CNN1: variants seen among roughly 807,000 people sequenced by gnomAD.
CNN1 encodes the protein calponin-1.
CNN1 carries 21 observed loss-of-function variants against 35.3 expected under a neutral mutation model. That is an observed-to-expected ratio of 0.60 (90% CI 0.42 to 0.86). The LOEUF (loss-of-function observed/expected upper bound fraction) is 0.86, where lower values mean the gene tolerates loss of function less well. Among genes scored for constraint, CNN1 ranks in the 40% least tolerant of loss-of-function variants. The probability of loss-of-function intolerance (pLI) is 0.00; values close to 1 mark genes in which losing one functional copy is unlikely to be tolerated. For synonymous variants in CNN1, 164 were observed against 161.8 expected, an observed-to-expected ratio of 1.01 and a Z score of -0.10; for missense variants, 314 against 400.8, an observed-to-expected ratio of 0.78 and a Z score of 1.85.
At chr19:11,545,848 C>T (rs1217690279) in intron 2 of CNN1, among the ~76,000 whole-genome samples, 1 of 149,308 alleles carries the variant, frequency 6.7e-6, no homozygotes, top group Admixed American at 6.7e-5. Context: ...CACCTGTGAT[C>T]CCAGCTACTC....
chr19:11,539,764 TG>T, intron 1 of CNN1: 1 of 879,794 alleles, frequency 1.1e-6, no homozygotes, highest in Non-Finnish European at 1.4e-6. Flanking sequence ...GGTGAGGAAG[TG>T]GGGGACTGGG....
At chr19:11,539,620 GCTTCTCCC>G (rs1972412945) in intron 1 of CNN1, 12 of 737,890 alleles carry the variant, frequency 1.6e-5, no homozygotes, top group Non-Finnish European at 2.4e-5. Flanking sequence ...GATGGGCTCA[GCTTCTCCC>G]AGCTGGAGAA....
chr19:11,541,140 G>C lies in CNN1; in HGVS notation c.128G>C (p.Gly43Ala). 1.2e-6 allele frequency: 2 copies of C among 1,608,156 alleles called. No homozygotes were observed. Among genetic ancestry groups the C allele is most frequent in the Non-Finnish European group, 1.7e-6 (2 of 1,177,162 alleles). The stretch of plus-strand genomic sequence containing the variant: ...AGAGAGTGGATCGAGGGGGTGACAG[G>C]CCGTCGCATCGGCAACAACTTCATG... ...ELREWIEGVTGRRIGNNFMDG... is the reference protein window; with the variant it reads ...ELREWIEGVTARRIGNNFMDG... The change falls in exon 2 of 7, where the codon GGC becomes GCC. Residue 43 changes from glycine to alanine, a missense_variant. By Grantham distance (60) the Gly-to-Ala change is moderately conservative. Coordinates refer to ENST00000252456, the MANE Select transcript of CNN1 (RefSeq NM_001299.6).
intron 2 of CNN1, among the ~76,000 whole-genome samples, chr19:11,544,301 G>A (rs1345169710): frequency 6.6e-6 from 1 of 151,978 alleles, no homozygotes; most frequent in Non-Finnish European, 1.5e-5. Flanking sequence ...GAGGGCTCAG[G>A]GGACCTGAGG....
chr19:11,541,481 A>G (rs2145028793), intron 2 of CNN1, among the ~76,000 whole-genome samples: 1 of 152,350 alleles, frequency 6.6e-6, no homozygotes, highest in East Asian at 1.9e-4. Flanking sequence ...GTCCCCAGAA[A>G]GAGCGGTCAC....
rs1358909305 is a variant in CNN1 at position 11,546,944 on chromosome 19, C to G, written c.365C>G (p.Ser122Cys). The G allele has an allele frequency of 6.2e-7, 1 of 1,614,116 alleles. No individual in the cohort carries two copies. ...AACACCAACCATACACAGGTGCAGT[C>G]CACCCTCCTGGCTTTGGCCAGCATG... ...FENTNHTQVQ[S>C]TLLALASMAK... The change falls in exon 4 of 7, where the codon TCC becomes TGC. Residue 122 changes from serine to cysteine, a missense_variant. Transcript: ENST00000252456.
chr19:11,540,487 G>A lies in CNN1; in HGVS notation c.64-589G>A, dbSNP rs376861930. On this transcript the variant is annotated intron_variant, in intron 1 of 6. Coordinates refer to ENST00000252456, the MANE Select transcript of CNN1 (RefSeq NM_001299.6). ...TGGGGAAGAGAGAGACAGAGGAGTC[G>A]GGGGGATAAGAGGGAGAGAGACATA... 189 of 152,836 alleles carry A rather than the reference G, an allele frequency of 1.2e-3. 5 individuals are homozygous for A. In the South Asian group the frequency reaches 0.035, roughly 29 times the overall value. 9.5% of individuals were successfully genotyped at this position (152,836 alleles called of 1,614,324 possible). A position where few individuals can be genotyped will look rare whatever the true frequency, so the allele number is the denominator to read the frequency against.
chr19:11,549,648 C>G lies in CNN1; in HGVS notation c.747C>G (p.Ser249Arg), dbSNP rs1228139286. The G allele has an allele frequency of 6.2e-7, 1 of 1,613,840 alleles. No individual in the cohort carries two copies. ...DTLNVSLQMGSNKGASQRGMT... is the reference protein window; with the variant it reads ...DTLNVSLQMGRNKGASQRGMT... ...TCAATGTCAGCCTGCAGATGGGCAG[C>G]AACAAGGGCGCCTCGCAGCGGGGCA... The change falls in exon 7 of 7, where the codon AGC becomes AGG. Residue 249 changes from serine (S) to arginine (R), a missense_variant. Ser to Arg is a moderately radical substitution (Grantham distance 110, BLOSUM62 -1). Coordinates refer to ENST00000252456, the MANE Select transcript of CNN1 (RefSeq NM_001299.6). The surrounding 1 kb of genome is among the most constrained non-coding windows in gnomAD (Gnocchi z 5.2).
At chr19:11,539,900 A>G (rs1972420692) in intron 1 of CNN1, 1 of 1,138,996 alleles carries the variant, frequency 8.8e-7, no homozygotes, top group African/African-American at 1.7e-5. Flanking sequence ...AGCCGCGCAG[A>G]GCCGCGCAGA....
chr19:11,539,821 TG>T (rs950625456), intron 1 of CNN1: 5 of 762,336 alleles, frequency 6.6e-6, no homozygotes, highest in Admixed American at 4.6e-4. Flanking sequence ...AGGGGGCTGG[TG>T]GGGGGCGGGT....
chr19:11,544,199 C>T (rs1397314853), intron 2 of CNN1, among the ~76,000 whole-genome samples: 4 of 152,006 alleles, frequency 2.6e-5, no homozygotes, highest in Non-Finnish European at 5.9e-5. Context: ...AGGTATATGT[C>T]TGCGGGTGGA....
chr19:11,538,910 C>G lies in CNN1; in HGVS notation c.-18C>G. The G allele has an allele frequency of 6.5e-7, 1 of 1,547,986 alleles. No homozygotes were observed. Among genetic ancestry groups the G allele is most frequent in the East Asian group, 2.4e-5 (1 of 41,100 alleles). On this transcript the variant is annotated 5_prime_UTR_variant, in exon 1 of 7. Transcript: ENST00000252456. The stretch of plus-strand genomic sequence containing the variant: ...GCGTCAGTGCCGCCACTGCCCCCGC[C>G]AGAGCCCACCGGCCAGCATGTCCTC...
intron 4 of CNN1, among the ~76,000 whole-genome samples, chr19:11,547,250 A>C (rs907107338): frequency 1.3e-5 from 2 of 152,066 alleles, no homozygotes; most frequent in African/African-American, 4.8e-5. Flanking sequence ...TACAAAAATT[A>C]GCTGGACGTG....
At chr19:11,546,784 C>T (rs1251021070) in intron 3 of CNN1, 43 bp downstream of exon 3, 4 of 1,613,628 alleles carry the variant, frequency 2.5e-6, no homozygotes, top group African/African-American at 1.3e-5. Context: ...CCGCAAGCCC[C>T]TCAGACCTCC....
intron 2 of CNN1, among the ~76,000 whole-genome samples, chr19:11,543,528 C>A (rs1410324186): frequency 1.3e-5 from 2 of 151,394 alleles, no homozygotes; most frequent in African/African-American, 4.8e-5. Flanking sequence ...CGTCTGTAAT[C>A]CCAGCACTTT....
chr19:11,541,118 G>C lies in CNN1; in HGVS notation c.106G>C (p.Glu36Gln). 1 of 1,611,400 alleles carries C rather than the reference G, an allele frequency of 6.2e-7. No homozygotes were observed. Among genetic ancestry groups the C allele is most frequent in the Non-Finnish European group, 8.5e-7 (1 of 1,178,638 alleles). ...YDHQREQELR[E>Q]WIEGVTGRRI... is the part of the protein sequence containing the mutation. ...CCACCAGCGGGAGCAGGAGCTGAGA[G>C]AGTGGATCGAGGGGGTGACAGGCCG... The change falls in exon 2 of 7, where the codon GAG (glutamate) becomes CAG (glutamine). Residue 36 changes from glutamate to glutamine, a missense_variant. By Grantham distance (29) the Glu-to-Gln change is conservative (BLOSUM62 2). Coordinates refer to ENST00000252456, the MANE Select transcript of CNN1 (RefSeq NM_001299.6).
intron 1 of CNN1, chr19:11,539,682 G>A: frequency 1.5e-6 from 1 of 685,832 alleles, no homozygotes; most frequent in Non-Finnish European, 2.3e-6. Flanking sequence ...CAGTATTGCC[G>A]AGGGAGGAGT....
chr19:11,541,272 C>T (rs2145028443), intron 2 of CNN1, 75 bp downstream of exon 2: 7 of 1,467,954 alleles, frequency 4.8e-6, no homozygotes, highest in South Asian at 2.9e-5. Context: ...CCAAAACAAC[C>T]ATGATCCTGG....
chr19:11,545,202 G>GAA (rs34908887), intron 2 of CNN1, among the ~76,000 whole-genome samples: 4 of 138,758 alleles, frequency 2.9e-5, no homozygotes, highest in African/African-American at 1.1e-4. Flanking sequence ...CTCCATCTCG[G>GAA]AAAAAAAAAA....
Sources: allele counts gnomAD v4.1 joint callset (sites outside exome capture counted in the v4.1 genomes callset), GRCh38; gene constraint gnomAD v4.1.1; non-coding constraint Gnocchi (gnomAD v3.1); transcripts MANE v1.5; gene names NCBI Gene and HGNC (gene_info 2026-07-23, HGNC 2026-07-21).